DCLK1: variants seen among roughly 807,000 people sequenced by gnomAD.
DCLK1 encodes the protein serine/threonine-protein kinase DCLK1.
DCLK1 carries 16 observed loss-of-function variants against 86.2 expected under a neutral mutation model. That is an observed-to-expected ratio of 0.19 (90% CI 0.13 to 0.28). DCLK1 has a LOEUF of 0.28. DCLK1 is among the 10% of genes least tolerant of loss of function. The probability of loss-of-function intolerance (pLI) is 1.00; values close to 1 mark genes in which losing one functional copy is unlikely to be tolerated. For missense variants in DCLK1, 590 were observed against 940.2 expected (o/e 0.63, Z 4.87); for synonymous variants, 369 against 370.5 (o/e 1.00, Z 0.05).
intron 3 of DCLK1, among the ~76,000 whole-genome samples, chr13:36,061,222 C>T (rs1293621003): frequency 1.3e-5 from 2 of 152,158 alleles, no homozygotes; most frequent in East Asian, 3.9e-4. Flanking sequence ...AGTAACCCCA[C>T]TCTGGCTTTC....
In DCLK1 at chr13:35,962,180, T is replaced by C. The variant is rs193026146; in HGVS notation, c.724-14723A>G. On this transcript the variant is annotated intron_variant, in intron 3 of 16. Transcript: ENST00000360631. ...GTTGAACTGTGCCCCCCAAAACTTATAGGTCAAAGTTTCAATTCCCAGTAC... is the reference window on the plus strand; with the variant it reads ...GTTGAACTGTGCCCCCCAAAACTTACAGGTCAAAGTTTCAATTCCCAGTAC... Among the ~76,000 whole-genome samples the C allele has an allele frequency of 1.8e-3, 273 of 152,272 alleles. 1 individual carries two copies. The highest frequency in any genetic ancestry group is 3.1e-3 in the Non-Finnish European group (214 of 68,012).
At chr13:35,842,228 CAAAA>C (rs35862851) in intron 6 of DCLK1, among the ~76,000 whole-genome samples, 4 of 35,114 alleles carry the variant, frequency 1.1e-4, no homozygotes, top group African/African-American at 2.3e-4. Flanking sequence ...GACTCCATCT[CAAAA>C]AAAAAAAAAA....
At chr13:36,058,722 A>AC (rs1262477054) in intron 3 of DCLK1, among the ~76,000 whole-genome samples, 1 of 151,858 alleles carries the variant, frequency 6.6e-6, no homozygotes, top group Admixed American at 6.6e-5. Flanking sequence ...AAGAATGAAG[A>AC]CCCCCACTGA....
At chr13:36,092,587 C>T (rs1288206307) in intron 3 of DCLK1, among the ~76,000 whole-genome samples, 2 of 147,604 alleles carry the variant, frequency 1.4e-5, no homozygotes, top group African/African-American at 2.5e-5. Context: ...CCCGGGTTCA[C>T]GCCATTCTCC....
chr13:36,074,091 C>A (rs537644691), intron 3 of DCLK1, among the ~76,000 whole-genome samples: 45 of 152,238 alleles, frequency 3.0e-4, no homozygotes, highest in Non-Finnish European at 2.6e-4. Context: ...AAATGTACAT[C>A]AGACACAGTC....
At chr13:35,839,001 T>C in intron 7 of DCLK1, 91 bp downstream of exon 7, 1 of 1,219,024 alleles carries the variant, frequency 8.2e-7, no homozygotes, top group African/African-American at 1.5e-5. Flanking sequence ...GCCTTGTCCA[T>C]GTCATTCCGC....
intron 4 of DCLK1, among the ~76,000 whole-genome samples, chr13:35,901,776 G>A (rs1874381492): frequency 6.6e-6 from 1 of 152,108 alleles, no homozygotes; most frequent in Admixed American, 6.5e-5. Context: ...GATGCTGCCA[G>A]AAGATACTGA....
intron 4 of DCLK1, among the ~76,000 whole-genome samples, chr13:35,899,338 A>AGTGT (rs755180041): frequency 0.057 from 8,136 of 143,538 alleles, 261 homozygotes; most frequent in Non-Finnish European, 0.07. Flanking sequence ...GAGAAATACA[A>AGTGT]GTGTGTGTGT....
intron 3 of DCLK1, among the ~76,000 whole-genome samples, chr13:36,030,433 A>C (rs1882222753): frequency 6.9e-6 from 1 of 145,798 alleles, no homozygotes. Context: ...AGTAGCTGGG[A>C]TTGTAGGTGC....
intron 12 of DCLK1, 117 bp downstream of exon 12, chr13:35,810,718 G>A: frequency 7.8e-7 from 1 of 1,281,328 alleles, no homozygotes; most frequent in South Asian, 1.7e-5. Context: ...AAAAAGAGTG[G>A]AAGAAACCTG....
At position 36,111,402 on chromosome 13, in the gene DCLK1, A is replaced by C. The variant is rs1399848511; in HGVS notation, c.723+467T>G. ...TGGAAATATGTCATTTCTTAGATAC[A>C]TATTTTAAAATCTATAAAATGTAAG... On this transcript the variant is annotated intron_variant, in intron 3 of 16. Transcript: ENST00000360631. 2.6e-5 allele frequency among the ~76,000 whole-genome samples: 4 copies of C among 152,232 alleles called. No homozygotes were observed. In the South Asian group the frequency reaches 6.2e-4, roughly 24 times the overall value.
intron 4 of DCLK1, among the ~76,000 whole-genome samples, chr13:35,903,736 TA>T (rs140116727): frequency 1.7e-4 from 26 of 149,160 alleles, no homozygotes; most frequent in African/African-American, 2.9e-4. Flanking sequence ...CCTAACAAAA[TA>T]AAAAAAAAAT....
intron 4 of DCLK1, among the ~76,000 whole-genome samples, 161 bp downstream of exon 4, chr13:35,947,197 A>G (rs1484125421): frequency 6.7e-6 from 1 of 150,316 alleles, no homozygotes; most frequent in Non-Finnish European, 1.5e-5. Context: ...TTCCATATTT[A>G]AAAAAAAAAT....
At chr13:36,080,832 C>G (rs181367115) in intron 3 of DCLK1, among the ~76,000 whole-genome samples, 34 of 152,144 alleles carry the variant, frequency 2.2e-4, no homozygotes, top group African/African-American at 8.0e-4. Flanking sequence ...GGTTCTCAAC[C>G]AGGGGTTGAG....
chr13:36,029,808 AT>A (rs1882198024), intron 3 of DCLK1, among the ~76,000 whole-genome samples: 1 of 152,242 alleles, frequency 6.6e-6, no homozygotes, highest in South Asian at 2.1e-4. Context: ...TTCATGTGAT[AT>A]TTAGTGATAC....
chr13:35,895,900 TA>T (rs1331840135), intron 4 of DCLK1, among the ~76,000 whole-genome samples: 6 of 149,410 alleles, frequency 4.0e-5, no homozygotes, highest in Admixed American at 1.4e-4. Flanking sequence ...ATCAAATTTT[TA>T]AAAAATTCTA....
At chr13:36,048,222 T>G (rs76047004) in intron 3 of DCLK1, among the ~76,000 whole-genome samples, 7,483 of 152,218 alleles carry the variant, frequency 0.049, 213 homozygotes, top group African/African-American at 0.071. Context: ...GGATATATGC[T>G]AAAACTGGAA....
chr13:35,803,000 T>C (rs1180795156), intron 15 of DCLK1, among the ~76,000 whole-genome samples: 1 of 152,204 alleles, frequency 6.6e-6, no homozygotes, highest in Non-Finnish European at 1.5e-5. Flanking sequence ...TAGCAATCAT[T>C]ACAGTGATGA....
chr13:36,118,811 G>A (rs1885881398), intron 2 of DCLK1, among the ~76,000 whole-genome samples: 1 of 152,128 alleles, frequency 6.6e-6, no homozygotes, highest in South Asian at 2.1e-4. Flanking sequence ...TGTTCTGGAG[G>A]CTGGGAAGTC....
Sources: allele counts gnomAD v4.1 joint callset (sites outside exome capture counted in the v4.1 genomes callset), GRCh38; gene constraint gnomAD v4.1.1; transcripts MANE v1.5; gene names NCBI Gene and HGNC (gene_info 2026-07-23, HGNC 2026-07-21).